Variants in RAD51B observed in about 807,000 individuals in gnomAD.
RAD51B encodes the protein DNA repair protein RAD51 homolog 2.
A neutral mutation model predicts 42.2 loss-of-function variants in RAD51B; 38 were observed. The observed-to-expected ratio is 0.90, with a 90% CI of 0.70 to 1.18. The LOEUF (loss-of-function observed/expected upper bound fraction) is 1.18. Ranked by LOEUF, RAD51B falls within the 50% of genes most tolerant of loss-of-function variation. The pLI is 0.00. For missense variants in RAD51B, 373 were observed against 400.7 expected (o/e 0.93, Z 0.59); for synonymous variants, 154 against 145.2 (o/e 1.06, Z -0.43).
chr14:67,859,611 CAA>C (rs1477587133), intron 4 of RAD51B, among the ~76,000 whole-genome samples: 1 of 152,120 alleles, frequency 6.6e-6, no homozygotes. Context: ...GTTAAACTGA[CAA>C]AAGTTTTTCC....
intron 9 of RAD51B, among the ~76,000 whole-genome samples, chr14:68,459,963 C>T (rs1192031497): frequency 1.3e-5 from 2 of 152,172 alleles, no homozygotes; most frequent in African/African-American, 4.8e-5. Flanking sequence ...GAATTCATGA[C>T]TGGTGTACAG....
intron 8 of RAD51B, among the ~76,000 whole-genome samples, chr14:68,333,078 A>G (rs754294990): frequency 2.2e-4 from 34 of 152,114 alleles, no homozygotes; most frequent in Admixed American, 5.2e-4. Flanking sequence ...CCATGAATAG[A>G]ATGCTCTCAC....
rs1884581327 is a variant in RAD51B, at chr14:68,497,078, T to A, written c.1036+28828T>A. ...GTAGGCTTTATGCAAGCCTTCAACA[T>A]CTTTTTCTAGGTATCTTGACACTCA... On this transcript the variant is annotated intron_variant, in intron 10 of 10. Coordinates refer to the RAD51B transcript ENST00000487270. The A allele has an allele frequency of 2.2e-6, 3 of 1,345,876 alleles. No individual in the cohort carries two copies. In the Admixed American group the frequency reaches 6.6e-5, roughly 29 times the overall value. The allele number at this position is 1,345,876 out of a possible 1,614,324, so 83.4% of individuals were successfully genotyped here.
intron 8 of RAD51B, among the ~76,000 whole-genome samples, chr14:68,406,662 TTTCTTTC>T (rs1338155964): frequency 6.6e-6 from 1 of 152,232 alleles, no homozygotes; most frequent in Admixed American, 6.5e-5. Flanking sequence ...TAGAGACATT[TTTCTTTC>T]TTCAATAATA....
intron 10 of RAD51B, among the ~76,000 whole-genome samples, chr14:68,551,834 A>G (rs1323137372): frequency 6.6e-6 from 1 of 152,226 alleles, no homozygotes; most frequent in African/African-American, 2.4e-5. Context: ...CATCAGTTAC[A>G]TTTTATGGAA....
At chr14:68,628,933 C>T (rs1341540026) in intron 10 of RAD51B, among the ~76,000 whole-genome samples, 1 of 152,178 alleles carries the variant, frequency 6.6e-6, no homozygotes, top group Non-Finnish European at 1.5e-5. Context: ...TAGAAAGTAC[C>T]TATCACTCAG....
At chr14:68,301,518 A>C (rs1205914285) in intron 8 of RAD51B, among the ~76,000 whole-genome samples, 1 of 151,804 alleles carries the variant, frequency 6.6e-6, no homozygotes, top group East Asian at 1.9e-4. Flanking sequence ...ACTGGATACT[A>C]CAAAACTAAG....
chr14:67,865,240 C>T, intron 5 of RAD51B, 101 bp downstream of exon 5: 2 of 1,135,370 alleles, frequency 1.8e-6, no homozygotes, highest in East Asian at 3.1e-5. Context: ...CTCCCCCTTG[C>T]CTTTTTTTTT....
chr14:68,070,269 G>C (rs535509687), intron 7 of RAD51B, among the ~76,000 whole-genome samples: 12 of 152,210 alleles, frequency 7.9e-5, no homozygotes, highest in African/African-American at 2.9e-4. Flanking sequence ...CCATTCAGAA[G>C]CTCTTTAGTT....
chr14:68,491,899 C>T (rs1026812988), intron 10 of RAD51B, among the ~76,000 whole-genome samples: 7 of 152,198 alleles, frequency 4.6e-5, no homozygotes, highest in East Asian at 1.9e-4. Flanking sequence ...TCTCAAGTAA[C>T]GCTTTTTCAC....
downstream of RAD51B, among the ~76,000 whole-genome samples, chr14:68,615,357 T>C (rs1233289392): frequency 3.9e-5 from 6 of 152,164 alleles, no homozygotes; most frequent in East Asian, 1.2e-3. Flanking sequence ...TTTTCTTTTT[T>C]TTTTTTGAGA....
At chr14:68,285,980 A>ATTTATG (rs2139643319) in intron 7 of RAD51B, among the ~76,000 whole-genome samples, 1 of 152,368 alleles carries the variant, frequency 6.6e-6, no homozygotes, top group Admixed American at 6.5e-5. Flanking sequence ...TTATTAGCAG[A>ATTTATG]GTCTGAAAAG....
intron 7 of RAD51B, among the ~76,000 whole-genome samples, chr14:68,075,056 C>A (rs1197802717): frequency 6.6e-6 from 1 of 152,176 alleles, no homozygotes; most frequent in Non-Finnish European, 1.5e-5. Context: ...AAGCTTGGAA[C>A]CTTGGCAGTG....
At chr14:68,656,061 C>T (rs1216999744) in intron 11 of RAD51B, among the ~76,000 whole-genome samples, 1 of 152,122 alleles carries the variant, frequency 6.6e-6, no homozygotes, top group Non-Finnish European at 1.5e-5. Flanking sequence ...TGGCTTTTAG[C>T]AAGGAGCAGA....
intron 10 of RAD51B, among the ~76,000 whole-genome samples, chr14:68,469,972 C>T (rs1256983637): frequency 6.6e-6 from 1 of 152,080 alleles, no homozygotes; most frequent in Admixed American, 6.6e-5. Flanking sequence ...CTCTGATGTT[C>T]ATTGCTAAGA....
At chr14:68,362,582 G>T (rs962730052) in intron 8 of RAD51B, among the ~76,000 whole-genome samples, 6 of 152,276 alleles carry the variant, frequency 3.9e-5, no homozygotes, top group East Asian at 1.9e-4. Flanking sequence ...GGGCGCAGTG[G>T]CTCACACCTG....
At position 68,420,435 on chromosome 14, in the gene RAD51B, G is replaced by GT. The variant is rs932685576; in HGVS notation, c.957+8918dup. Among the ~76,000 whole-genome samples the GT allele has an allele frequency of 3.1e-3, 464 of 150,202 alleles. 1 individual carries two copies. Among genetic ancestry groups the GT allele is most frequent in the Middle Eastern group, 6.8e-3 (2 of 292 alleles). On this transcript the variant is annotated intron_variant, in intron 9 of 10. Coordinates refer to ENST00000471583, the MANE Select transcript of RAD51B (RefSeq NM_133510.4). ...AGCTGCTGGCTCGCTATTTTTATGG[G>GT]TTTTTTTTTTATTATATGCTAAACA... is the stretch of plus-strand genomic sequence containing the variant.
chr14:68,632,240 C>T (rs982191964), intron 10 of RAD51B, among the ~76,000 whole-genome samples: 1 of 152,146 alleles, frequency 6.6e-6, no homozygotes, highest in Non-Finnish European at 1.5e-5. Context: ...CCGGGAGGTT[C>T]TTTACTGATA....
chr14:68,535,656 G>A (rs1015239281), intron 10 of RAD51B, among the ~76,000 whole-genome samples: 1 of 152,084 alleles, frequency 6.6e-6, no homozygotes, highest in Non-Finnish European at 1.5e-5. Context: ...TCTGCTGGCT[G>A]TTTTATGAAC....
Sources: allele counts gnomAD v4.1 joint callset (sites outside exome capture counted in the v4.1 genomes callset), GRCh38; gene constraint gnomAD v4.1.1; transcripts MANE v1.5; gene names NCBI Gene and HGNC (gene_info 2026-07-23, HGNC 2026-07-21).